The following LRRC18 variants were observed in gnomAD, a reference collection of about 807,000 sequenced individuals.
The protein encoded by LRRC18 is leucine-rich repeat-containing protein 18.
Under a neutral mutation model 11.2 loss-of-function variants are expected in LRRC18, and 12 were observed. The observed-to-expected ratio is 1.07, with a 90% CI of 0.69 to 1.74. The LOEUF is 1.74. Among genes scored for constraint, LRRC18 ranks in the 40% most tolerant of loss-of-function variants. The pLI is 0.00. For missense variants in LRRC18, 374 were observed against 330.5 expected, an observed-to-expected ratio of 1.13 and a Z score of -1.02; for synonymous variants, 155 against 130.6, an observed-to-expected ratio of 1.19 and a Z score of -1.27.
At chr10:48,939,668 T>C in the LRRC18 span, among the ~76,000 whole-genome samples, 1 of 152,220 alleles carries the variant, frequency 6.6e-6, no homozygotes, top group Admixed American at 6.5e-5. Context: ...AAAATTCACA[T>C]AGATCATTTT....
the LRRC18 span, among the ~76,000 whole-genome samples, chr10:48,931,079 A>G: frequency 6.6e-5 from 8 of 121,086 alleles, no homozygotes; most frequent in African/African-American, 2.4e-4. Context: ...ACACACATGC[A>G]TGCACACTCA....
chr10:48,926,806 C>T, the LRRC18 span, among the ~76,000 whole-genome samples: 1 of 152,182 alleles, frequency 6.6e-6, no homozygotes, highest in Admixed American at 6.5e-5. Flanking sequence ...GTTTATGGGG[C>T]ACACATAATG....
At chr10:48,930,244 T>G in the LRRC18 span, among the ~76,000 whole-genome samples, 1 of 152,240 alleles carries the variant, frequency 6.6e-6, no homozygotes, top group South Asian at 2.1e-4. Flanking sequence ...CTTGACTCAC[T>G]GTTTTTACAT....
chr10:48,936,384 G>A, the LRRC18 span, among the ~76,000 whole-genome samples: 1 of 151,738 alleles, frequency 6.6e-6, no homozygotes. Flanking sequence ...CTACTACCCA[G>A]TATACTTCTA....
At chr10:48,915,836 C>G (rs1270825830), upstream of LRRC18, among the ~76,000 whole-genome samples, 2 of 152,138 alleles carry the variant, frequency 1.3e-5, no homozygotes, top group East Asian at 3.9e-4. Flanking sequence ...TTTACACAGG[C>G]CTTGTAAGCT....
At chr10:48,935,079 A>C in the LRRC18 span, 1 of 152,242 alleles carries the variant, frequency 6.6e-6, no homozygotes, top group Admixed American at 6.5e-5. Flanking sequence ...TGCTTACTCA[A>C]AGGAGGGGAG....
At chr10:48,928,553 G>A in the LRRC18 span, among the ~76,000 whole-genome samples, 2 of 152,190 alleles carry the variant, frequency 1.3e-5, no homozygotes, top group Non-Finnish European at 1.5e-5. Context: ...CCTGAGTGCA[G>A]GCTTTCAGTT....
chr10:48,936,845 A>G, the LRRC18 span, among the ~76,000 whole-genome samples: 1 of 151,500 alleles, frequency 6.6e-6, no homozygotes, highest in East Asian at 1.9e-4. Flanking sequence ...CTCAAAAAAA[A>G]AAAAAAGAAA....
At chr10:48,927,737 T>G in the LRRC18 span, among the ~76,000 whole-genome samples, 3 of 152,350 alleles carry the variant, frequency 2.0e-5, no homozygotes, top group African/African-American at 7.2e-5. Context: ...AATTCAACTT[T>G]TATTTGGAGC....
chr10:48,925,490 T>C, the LRRC18 span, among the ~76,000 whole-genome samples: 3 of 152,198 alleles, frequency 2.0e-5, no homozygotes, highest in Non-Finnish European at 4.4e-5. Context: ...TTGTGTGCTG[T>C]GCTACTTGCT....
At chr10:48,926,658 T>C in the LRRC18 span, among the ~76,000 whole-genome samples, 2 of 152,328 alleles carry the variant, frequency 1.3e-5, no homozygotes, top group Non-Finnish European at 2.9e-5. Flanking sequence ...TTCATTTTCA[T>C]AGATGTACCA....
At chr10:48,915,253 G>T (rs910656254), upstream of LRRC18, among the ~76,000 whole-genome samples, 2 of 152,154 alleles carry the variant, frequency 1.3e-5, no homozygotes, top group Non-Finnish European at 2.9e-5. Context: ...TACACATATT[G>T]TTTCTAATCC....
chr10:48,928,027 T>C, the LRRC18 span, among the ~76,000 whole-genome samples: 143,300 of 152,286 alleles, frequency 0.94, 67,792 homozygotes, highest in East Asian at 1. Context: ...CCTTTGAAGC[T>C]CATGAGGTGA....
In LRRC18 at chr10:48,910,337, A is replaced by G. The variant is rs919496350; in HGVS notation, c.765-79T>C. ...ACACAGCAAGGGCAGAGGTCACACC[A>G]GCTCACCAAGGTCATGCCTGACCTT... On this transcript the variant is annotated intron_variant, in intron 1 of 1. Transcript: ENST00000374160. 4.8e-5 allele frequency: 60 copies of G among 1,260,852 alleles called. 1 individual carries two copies. In the South Asian group the frequency reaches 6.4e-4, roughly 13 times the overall value. The allele number at this position is 1,260,852 out of a possible 1,614,324, so 78.1% of individuals were successfully genotyped here.
At chr10:48,911,477 C>T (rs997706568) in intron 1 of LRRC18, among the ~76,000 whole-genome samples, 6 of 152,172 alleles carry the variant, frequency 3.9e-5, no homozygotes, top group African/African-American at 9.7e-5. Context: ...TATATAGGCT[C>T]TCATCACAAG....
At chr10:48,935,758 T>C in the LRRC18 span, among the ~76,000 whole-genome samples, 1 of 152,244 alleles carries the variant, frequency 6.6e-6, no homozygotes, top group Non-Finnish European at 1.5e-5. Flanking sequence ...CTTGATTGTA[T>C]GTCATTAAAT....
intron 1 of LRRC18, among the ~76,000 whole-genome samples, chr10:48,912,434 C>G (rs34486070): frequency 0.13 from 19,500 of 152,214 alleles, 1,390 homozygotes; most frequent in Middle Eastern, 0.22. Context: ...TGCCATGGAC[C>G]TAGACCTGTC....
intron 1 of LRRC18, 34 bp from the exon 4 acceptor site, chr10:48,910,292 G>C: frequency 6.4e-7 from 1 of 1,566,594 alleles, no homozygotes; most frequent in Non-Finnish European, 8.7e-7. Context: ...TGAGGCAATT[G>C]CTCCAGGCCA....
chr10:48,914,297 T>G (rs1034858262), upstream of LRRC18: 2 of 883,376 alleles, frequency 2.3e-6, no homozygotes, highest in Non-Finnish European at 3.4e-6. Flanking sequence ...CCCCACGTCA[T>G]GACGCTTTGC....
Sources: allele counts gnomAD v4.1 joint callset (sites outside exome capture counted in the v4.1 genomes callset), GRCh38; gene constraint gnomAD v4.1.1; transcripts MANE v1.5; gene names NCBI Gene and HGNC (gene_info 2026-07-23, HGNC 2026-07-21).